Variants in TFIP11 observed in about 807,000 individuals in gnomAD.
TFIP11 encodes tuftelin interacting protein 11.
A neutral mutation model predicts 96.8 loss-of-function variants in TFIP11; 86 were observed. That is an observed-to-expected ratio of 0.89 (90% CI 0.75 to 1.06). The LOEUF (loss-of-function observed/expected upper bound fraction) is 1.06. TFIP11 is among the 50% of genes least tolerant of loss of function. The pLI, the probability that TFIP11 is intolerant of heterozygous loss-of-function variation, is 0.00. For missense variants in TFIP11, 881 were observed against 1,076.7 expected, an observed-to-expected ratio of 0.82 and a Z score of 2.54; for synonymous variants, 405 against 395.2, an observed-to-expected ratio of 1.02 and a Z score of -0.29.
At position 26,496,146 on chromosome 22, in the gene TFIP11, G is replaced by A; in HGVS notation, c.1776C>T (p.Leu592=). The A allele has an allele frequency of 6.2e-7, 1 of 1,613,970 alleles. No homozygotes were observed. The highest frequency in any genetic ancestry group is 1.1e-5 in the South Asian group (1 of 91,074). The change falls in exon 12 of 15, where the codon CTC becomes CTT. Residue 592 remains leucine, a synonymous_variant. Coordinates refer to ENST00000407690, the MANE Select transcript of TFIP11 (RefSeq NM_012143.4). ...GAGTGAAGACATCCTTCCAGGGCTG[G>A]AGGATGAGCTTGGCAGAGGAGTCGC... The part of the protein sequence containing the change: ...HPSDSSAKLI[L]QPWKDVFTPG...
rs1343672463 is a variant in TFIP11 at position 26,491,662 on chromosome 22, C to T, written c.*351G>A. The T allele has an allele frequency of 6.2e-7, 1 of 1,610,324 alleles. No homozygotes were observed. Among genetic ancestry groups the T allele is most frequent in the Non-Finnish European group, 8.5e-7 (1 of 1,179,938 alleles). ...AGGAACAAGAGAGAAGATCCTTCTG[C>T]TACTGACTGAACTCGTTGTGAGGTA... On this transcript the variant is annotated 3_prime_UTR_variant, in exon 15 of 15. Transcript: ENST00000407690.
At position 26,494,026 on chromosome 22, in the gene TFIP11, G is replaced by T. The variant is rs1921589903; in HGVS notation, c.2158+113C>A. On this transcript the variant is annotated intron_variant, in intron 14 of 14. Transcript: ENST00000407690. The stretch of plus-strand genomic sequence containing the variant: ...AGTCTGTTGCTATGTGCAAAAGTGT[G>T]ACCTAAGGTTTAGGCTGCCTACAGG... The T allele has an allele frequency of 9.8e-6, 12 of 1,230,248 alleles. No individual in the cohort carries two copies. In the South Asian group the frequency reaches 1.6e-4, roughly 17 times the overall value. 76.2% of individuals were successfully genotyped at this position (1,230,248 alleles called of 1,614,324 possible). A position where few individuals can be genotyped will look rare whatever the true frequency, so the allele number is the denominator to read the frequency against.
At chr22:26,498,512 C>T (rs575384481) in intron 10 of TFIP11, among the ~76,000 whole-genome samples, 107 of 147,324 alleles carry the variant, frequency 7.3e-4, no homozygotes, top group African/African-American at 2.4e-3. Context: ...CACTGCACTC[C>T]AGCCTGGTGA....
intron 10 of TFIP11, 96 bp downstream of exon 10, chr22:26,498,773 C>T: frequency 1.1e-6 from 1 of 895,452 alleles, no homozygotes; most frequent in South Asian, 1.4e-5. Flanking sequence ...GAGAATTAAT[C>T]AAGGCCAGCA....
chr22:26,500,278 T>C (rs1375700945), intron 8 of TFIP11, among the ~76,000 whole-genome samples: 1 of 152,154 alleles, frequency 6.6e-6, no homozygotes, highest in Non-Finnish European at 1.5e-5. Flanking sequence ...TAAGCCATTC[T>C]CCTGCCTCAG....
intron 8 of TFIP11, among the ~76,000 whole-genome samples, chr22:26,500,729 T>C (rs1264951246): frequency 1.3e-5 from 2 of 152,034 alleles, no homozygotes; most frequent in African/African-American, 4.8e-5. Context: ...GACACTCTTA[T>C]TTCTTATCAG....
intron 4 of TFIP11, among the ~76,000 whole-genome samples, chr22:26,507,539 A>T (rs1923566131): frequency 6.6e-6 from 1 of 151,444 alleles, no homozygotes; most frequent in Non-Finnish European, 1.5e-5. Flanking sequence ...CTGAGATGGG[A>T]GGATTGCTTG....
intron 14 of TFIP11, 149 bp from the exon 15 acceptor site, chr22:26,492,517 G>C (rs1172746010): frequency 3.0e-6 from 2 of 677,276 alleles, no homozygotes; most frequent in African/African-American, 3.6e-5. Context: ...TTTGGAGGAA[G>C]TTTAGACGAC....
chr22:26,492,042 G>A lies in TFIP11; in HGVS notation c.2485C>T (p.Leu829=), dbSNP rs746844288. 2 of 1,604,954 alleles carry A rather than the reference G, an allele frequency of 1.2e-6. No homozygotes were observed. The highest frequency in any genetic ancestry group is 1.7e-6 in the Non-Finnish European group (2 of 1,175,872). Residue 829 remains leucine (L), a synonymous_variant, in exon 15 of 15, where the codon CTG becomes TTG. Coordinates refer to ENST00000407690, the MANE Select transcript of TFIP11 (RefSeq NM_012143.4). The part of the protein sequence containing the change: ...QGEKTWVPTS[L]QSLIDMAK ...TTGGCCATGTCGATCAGGCTCTGCA[G>A]TGAGGTGGGCACCCACGTCTTCTCG...
intron 14 of TFIP11, 147 bp downstream of exon 14, chr22:26,493,992 C>G: frequency 1.2e-6 from 1 of 832,428 alleles, no homozygotes; most frequent in African/African-American, 1.7e-5. Flanking sequence ...CCCCAGTCAG[C>G]AGGGTGAGAG....
At chr22:26,495,563 CACATAT>C (rs1921862995) in intron 12 of TFIP11, among the ~76,000 whole-genome samples, 1 of 60,210 alleles carries the variant, frequency 1.7e-5, no homozygotes, top group Non-Finnish European at 4.0e-5. Flanking sequence ...TATATATATA[CACATAT>C]ATATATGTGT....
At chr22:26,496,926 C>T (rs1278953969) in intron 10 of TFIP11, 37 bp from the exon 11 acceptor site, 6 of 1,607,770 alleles carry the variant, frequency 3.7e-6, no homozygotes, top group Non-Finnish European at 4.3e-6. Context: ...TGGTTAATTA[C>T]ACTGACTGGT....
At chr22:26,511,773 CCTT>C (rs891389987) in intron 2 of TFIP11, 3 of 152,346 alleles carry the variant, frequency 2.0e-5, no homozygotes, top group Admixed American at 1.3e-4. Context: ...GTTATCTCTG[CCTT>C]CTTCTACTCA....
rs202106639 is a variant in TFIP11, at chr22:26,506,328, T to A, written c.495A>T (p.Gly165=). 99 of 1,611,754 alleles carry A rather than the reference T, an allele frequency of 6.1e-5. No individual in the cohort carries two copies. The highest frequency in any genetic ancestry group is 7.4e-5 in the Non-Finnish European group (87 of 1,179,302). Residue 165 remains glycine (G), a synonymous_variant, in exon 6 of 15, where the codon GGA becomes GGT. Transcript: ENST00000407690. ...CTTGTGCATTCTTCCCGAGGCCCCG[T>A]CCAGGGACGTAGCCCATCTTCTGAA... ...KLLQKMGYVP[G]RGLGKNAQGI...
chr22:26,510,538 A>G (rs957181792), intron 3 of TFIP11, 79 bp downstream of exon 3: 5 of 437,126 alleles, frequency 1.1e-5, no homozygotes, highest in South Asian at 5.6e-5. Flanking sequence ...GTCCTAGTCA[A>G]TATCATAAAT....
In TFIP11 at chr22:26,491,862, C is replaced by T. The variant is rs150122446; in HGVS notation, c.*151G>A. On this transcript the variant is annotated 3_prime_UTR_variant, in exon 15 of 15. Transcript: ENST00000407690. ...ATTCCTGCCCTACGTGGCATTGTCC[C>T]ATTTTACATCCTTCCCTCATGACCT... 868 of 971,200 alleles carry T rather than the reference C, an allele frequency of 8.9e-4. 1 individual carries two copies. The highest frequency in any genetic ancestry group is 1.2e-3 in the Non-Finnish European group (789 of 668,380). The allele number at this position is 971,200 out of a possible 1,614,324, so 60.2% of individuals were successfully genotyped here. A position where few individuals can be genotyped will look rare whatever the true frequency, so the allele number is the denominator to read the frequency against.
intron 7 of TFIP11, among the ~76,000 whole-genome samples, chr22:26,503,138 T>G (rs1922991028): frequency 6.6e-6 from 1 of 152,180 alleles, no homozygotes; most frequent in African/African-American, 2.4e-5. Context: ...CTGCTGCACT[T>G]GGGATGAAAC....
At chr22:26,498,216 G>A (rs943535415) in intron 10 of TFIP11, among the ~76,000 whole-genome samples, 12 of 152,162 alleles carry the variant, frequency 7.9e-5, no homozygotes, top group South Asian at 2.1e-4. Context: ...TTGGGGACTC[G>A]GGGAAAGGAT....
Position 26,497,346 on chromosome 22 carries a change from C to T in TFIP11, c.1437-457G>A, listed in dbSNP as rs118128109. ...CTGCCTTTATTTGTTCACTACCTTA[C>T]TTCCCATCTGCTTTTTTTGCTGTAC... is the stretch of plus-strand genomic sequence containing the variant. On this transcript the variant is annotated intron_variant, in intron 10 of 14. Transcript: ENST00000407690. 8.5e-3 allele frequency among the ~76,000 whole-genome samples: 1,294 copies of T among 152,296 alleles called. 13 individuals are homozygous for T. Among genetic ancestry groups the T allele is most frequent in the Middle Eastern group, 0.027 (8 of 292 alleles).
Sources: gnomAD v4.1 joint callset for allele counts (sites outside exome capture counted in the v4.1 genomes callset) on GRCh38, gnomAD v4.1.1 for gene constraint, MANE v1.5 for transcripts, NCBI Gene and HGNC (gene_info 2026-07-23, HGNC 2026-07-21) for gene names.